The following C8orf34 variants were observed in gnomAD, a reference collection of about 807,000 sequenced individuals.
C8orf34 encodes chromosome 8 open reading frame 34, also known as uncharacterized protein C8orf34.
A neutral mutation model predicts 68.3 loss-of-function variants in C8orf34; 65 were observed. The ratio of observed to expected loss-of-function variants is 0.95; its 90% CI spans 0.78 to 1.17. C8orf34 has a LOEUF of 1.17. Among genes scored for constraint, C8orf34 ranks in the 50% most tolerant of loss-of-function variants. The probability of loss-of-function intolerance (pLI) is 0.00; values close to 1 mark genes in which losing one functional copy is unlikely to be tolerated. For synonymous variants in C8orf34, 244 were observed against 241.2 expected, an observed-to-expected ratio of 1.01 and a Z score of -0.11; for missense variants, 664 against 655.4, an observed-to-expected ratio of 1.01 and a Z score of -0.14.
At chr8:68,571,318 G>A (rs1041329976) in intron 7 of C8orf34, among the ~76,000 whole-genome samples, 22 of 152,198 alleles carry the variant, frequency 1.4e-4, no homozygotes, top group African/African-American at 5.1e-4. Context: ...TGCTTAATTT[G>A]TTCATAAGTA....
At chr8:68,616,278 T>G (rs200988726) in intron 7 of C8orf34, among the ~76,000 whole-genome samples, 4 of 152,158 alleles carry the variant, frequency 2.6e-5, no homozygotes, top group African/African-American at 7.2e-5. Flanking sequence ...AGTTTTCTGT[T>G]TCTCTATTTC....
chr8:68,615,344 G>A (rs1818171802), intron 7 of C8orf34, among the ~76,000 whole-genome samples: 1 of 118,150 alleles, frequency 8.5e-6, no homozygotes, highest in African/African-American at 3.2e-5. Context: ...GGAGTGGTGA[G>A]AGAGGGCATC....
chr8:68,616,655 C>T (rs983304329), intron 7 of C8orf34, among the ~76,000 whole-genome samples: 10 of 152,010 alleles, frequency 6.6e-5, no homozygotes, highest in Non-Finnish European at 1.5e-4. Context: ...GTCTGAGAGA[C>T]AGTTTGTTAT....
chr8:68,796,829 T>C (rs1343472439), intron 12 of C8orf34, among the ~76,000 whole-genome samples: 4 of 148,676 alleles, frequency 2.7e-5, no homozygotes, highest in African/African-American at 9.9e-5. Context: ...CTTCTTTTTT[T>C]TTTTTTTTTT....
intron 6 of C8orf34, among the ~76,000 whole-genome samples, chr8:68,528,594 A>G (rs549774053): frequency 2.6e-4 from 39 of 152,300 alleles, no homozygotes; most frequent in African/African-American, 9.4e-4. Flanking sequence ...TGGCTGAACC[A>G]ACCTAGGCTA....
intron 10 of C8orf34, among the ~76,000 whole-genome samples, chr8:68,748,259 A>G (rs200341361): frequency 1.4e-5 from 2 of 141,398 alleles, no homozygotes; most frequent in African/African-American, 5.5e-5. Flanking sequence ...AGATTTAAAC[A>G]TTAGACCTAA....
At chr8:68,586,737 T>A (rs951389496) in intron 7 of C8orf34, among the ~76,000 whole-genome samples, 2 of 152,132 alleles carry the variant, frequency 1.3e-5, no homozygotes, top group Non-Finnish European at 2.9e-5. Flanking sequence ...AATAGCAAGC[T>A]TAATATTTTC....
At chr8:68,726,375 G>T (rs1295024737) in intron 10 of C8orf34, among the ~76,000 whole-genome samples, 4 of 152,184 alleles carry the variant, frequency 2.6e-5, no homozygotes, top group African/African-American at 9.7e-5. Flanking sequence ...AGGACTCTGA[G>T]AAACCAGAGC....
chr8:68,421,895 TAGG>T lies in C8orf34; in HGVS notation c.328-17598_328-17596del, dbSNP rs1323121434. Among the ~76,000 whole-genome samples the T allele has an allele frequency of 3.9e-5, 6 of 152,096 alleles. No homozygotes were observed. The South Asian group carries it at 1.2e-3, about 32-fold the overall frequency. On this transcript the variant is annotated intron_variant, in intron 1 of 13. Coordinates refer to ENST00000518698, the MANE Select transcript of C8orf34 (RefSeq NM_052958.4). ...TGGCAGAAGGCACCTCTTCACAAGG[TAGG>T]AGGAGAGAGAATAAATGCAAACAGG...
intron 10 of C8orf34, among the ~76,000 whole-genome samples, chr8:68,762,646 T>G (rs1823053467): frequency 6.6e-6 from 1 of 152,206 alleles, no homozygotes; most frequent in African/African-American, 2.4e-5. Context: ...TCATGTTCAG[T>G]AAGACCTCAA....
chr8:68,607,379 C>T (rs1817886603), intron 7 of C8orf34, among the ~76,000 whole-genome samples: 1 of 152,044 alleles, frequency 6.6e-6, no homozygotes, highest in African/African-American at 2.4e-5. Flanking sequence ...TCTCCTGGAG[C>T]CTGTCTCACA....
At chr8:68,818,210 T>G in intron 13 of C8orf34, 29 bp from the exon 14 acceptor site, 1 of 1,610,920 alleles carries the variant, frequency 6.2e-7, no homozygotes, top group Non-Finnish European at 8.5e-7. Context: ...ATTAAGCACA[T>G]TTTCTTCTGT....
At chr8:68,502,793 T>C (rs889362403) in intron 5 of C8orf34, among the ~76,000 whole-genome samples, 2 of 152,196 alleles carry the variant, frequency 1.3e-5, no homozygotes, top group African/African-American at 2.4e-5. Flanking sequence ...GCAATAATTA[T>C]CAATGCTGCC....
chr8:68,610,542 A>G (rs1817985552), intron 7 of C8orf34, among the ~76,000 whole-genome samples: 2 of 152,186 alleles, frequency 1.3e-5, no homozygotes, highest in South Asian at 4.1e-4. Context: ...AATTAAAGAC[A>G]GGCAAACTTT....
intron 7 of C8orf34, among the ~76,000 whole-genome samples, chr8:68,635,117 A>G (rs1312641285): frequency 6.6e-6 from 1 of 152,196 alleles, no homozygotes; most frequent in African/African-American, 2.4e-5. Context: ...AAATTTGCAC[A>G]TGAAAGGAGA....
intron 7 of C8orf34, among the ~76,000 whole-genome samples, chr8:68,606,690 G>A (rs1020000271): frequency 2.0e-5 from 3 of 152,026 alleles, no homozygotes; most frequent in Non-Finnish European, 4.4e-5. Context: ...TTGGGAAAAT[G>A]CTGTAATGGA....
At chr8:68,359,457 G>A (rs1474913060) in intron 1 of C8orf34, among the ~76,000 whole-genome samples, 1 of 152,126 alleles carries the variant, frequency 6.6e-6, no homozygotes, top group Non-Finnish European at 1.5e-5. Flanking sequence ...AAACCTTAAT[G>A]GGGATTTCTG....
Position 68,721,399 on chromosome 8 carries a change from G to A in C8orf34, c.1366G>A (p.Gly456Ser). The A allele has an allele frequency of 5.0e-6, 8 of 1,609,428 alleles. No homozygotes were observed. The highest frequency in any genetic ancestry group is 6.8e-6 in the Non-Finnish European group (8 of 1,177,104). Residue 456 changes from glycine to serine, a missense_variant, in exon 10 of 14, where the codon GGT (glycine) becomes AGT (serine). Coordinates refer to ENST00000518698, the MANE Select transcript of C8orf34 (RefSeq NM_052958.4). ...PGTEEALMEE[G>S]DEFEKASKLT... Reference sequence around the variant, plus strand: ...GACTGAAGAAGCACTAATGGAGGAGGGTGACGAATTTGAGAAAGCATCTAA... The same window carrying A: ...GACTGAAGAAGCACTAATGGAGGAGAGTGACGAATTTGAGAAAGCATCTAA...
At chr8:68,651,896 C>CTAAAA (rs1302215275) in intron 8 of C8orf34, among the ~76,000 whole-genome samples, 7 of 152,058 alleles carry the variant, frequency 4.6e-5, no homozygotes, top group Non-Finnish European at 1.5e-5. Context: ...ACCCCTGAAT[C>CTAAAA]TAAAATAAAA....
Sources: allele counts gnomAD v4.1 joint callset (sites outside exome capture counted in the v4.1 genomes callset), GRCh38; gene constraint gnomAD v4.1.1; transcripts MANE v1.5; gene names NCBI Gene and HGNC (gene_info 2026-07-23, HGNC 2026-07-21).